MTPAP: variants seen among roughly 807,000 people sequenced by gnomAD.
The protein encoded by MTPAP is mitochondrial poly(A) polymerase.
MTPAP carries 23 observed loss-of-function variants against 48.7 expected under a neutral mutation model. That is an observed-to-expected ratio of 0.47 (90% confidence interval 0.34 to 0.67). MTPAP has a LOEUF of 0.67. Ranked by LOEUF, MTPAP falls within the 30% of genes least tolerant of loss-of-function variation. MTPAP has a pLI of 0.01. For missense variants in MTPAP, 614 were observed against 694.3 expected (o/e 0.88, Z 1.30); for synonymous variants, 257 against 254.1 (o/e 1.01, Z -0.11).
At chr10:30,326,392 A>G in intron 5 of MTPAP, 32 bp downstream of exon 5, 2 of 1,564,958 alleles carry the variant, frequency 1.3e-6, no homozygotes, top group Non-Finnish European at 8.8e-7. Context: ...CAGAATATTC[A>G]TATTTAAAAT....
In MTPAP at chr10:30,316,140, A is replaced by G; in HGVS notation, c.1290T>C (p.Pro430=). 6.2e-7 allele frequency: 1 copy of G among 1,613,946 alleles called. No individual in the cohort carries two copies. The highest frequency in any genetic ancestry group is 8.5e-7 in the Non-Finnish European group (1 of 1,179,806). ...TACCTAATGTTTCTGTGTTCTGTGA[A>G]GGTTTAATTCTACTCAAGTCACGAA... The part of the protein sequence containing the change: ...TFVRDLSRIK[P]SQNTETLELL... The change falls in exon 7 of 9, where the codon CCT becomes CCC. Residue 430 remains proline (P), a synonymous_variant. Transcript: ENST00000263063.
intron 1 of MTPAP, among the ~76,000 whole-genome samples, chr10:30,343,517 T>C (rs1447308843): frequency 1.1e-4 from 16 of 151,958 alleles, no homozygotes; most frequent in Non-Finnish European, 2.1e-4. Flanking sequence ...CAAAAGGCTA[T>C]GAAACTGATG....
At chr10:30,327,212 G>A (rs1588715595) in intron 4 of MTPAP, among the ~76,000 whole-genome samples, 1 of 152,006 alleles carries the variant, frequency 6.6e-6, no homozygotes, top group Admixed American at 6.6e-5. Context: ...AACTCGCCGG[G>A]TGCAGTGGCT....
chr10:30,326,410 G>A lies in MTPAP; in HGVS notation c.992+14C>T. 3 of 1,602,894 alleles carry A rather than the reference G, an allele frequency of 1.9e-6. No homozygotes were observed. Among genetic ancestry groups the A allele is most frequent in the Non-Finnish European group, 2.6e-6 (3 of 1,170,200 alleles). ...AATATTCATATTTAAAATAATAAAT[G>A]TAAGCGGTCATACCTATTGTTCGTA... On this transcript the variant is annotated intron_variant, in intron 5 of 8. Transcript: ENST00000263063.
At chr10:30,336,330 T>C (rs1444769166) in intron 4 of MTPAP, among the ~76,000 whole-genome samples, 2 of 152,070 alleles carry the variant, frequency 1.3e-5, no homozygotes, top group Non-Finnish European at 2.9e-5. Context: ...GATATAATAA[T>C]AAAACAATCT....
At chr10:30,323,147 A>AAG (rs1554817469) in intron 5 of MTPAP, among the ~76,000 whole-genome samples, 10 of 148,886 alleles carry the variant, frequency 6.7e-5, no homozygotes, top group Non-Finnish European at 1.2e-4. Context: ...AAAAAAAAAA[A>AAG]AAAGAAAGAA....
rs767325647 is a variant in MTPAP, at chr10:30,322,622, A to G, written c.993-5T>C. The G allele has an allele frequency of 6.3e-7, 1 of 1,592,988 alleles. No individual in the cohort carries two copies. Among genetic ancestry groups the G allele is most frequent in the East Asian group, 2.3e-5 (1 of 44,404 alleles). ...TCGGAACTTGTCAAGGCAATCCTTC[A>G]AAAAATAAAAATAAGAAAAATGTTC... On this transcript the variant is annotated splice_polypyrimidine_tract_variant and splice_region_variant and intron_variant, in intron 5 of 8. Transcript: ENST00000263063.
intron 4 of MTPAP, among the ~76,000 whole-genome samples, chr10:30,335,483 A>C (rs1037393782): frequency 1.9e-4 from 29 of 152,266 alleles, no homozygotes; most frequent in African/African-American, 6.7e-4. Context: ...AAGAGACTCT[A>C]TCTCCAACAA....
rs1401279242 is a variant in MTPAP, at chr10:30,315,953, C to T, written c.1386+10G>A. 1.1e-5 allele frequency: 18 copies of T among 1,577,550 alleles called. No homozygotes were observed. Among genetic ancestry groups the T allele is most frequent in the Admixed American group, 3.4e-5 (2 of 58,978 alleles). On this transcript the variant is annotated intron_variant, in intron 8 of 8. Transcript: ENST00000263063. ...AGATACTAATAACTAAATAGTAAAA[C>T]ATTATTTACCTGTCGAATATTTATG...
chr10:30,339,102 G>A lies in MTPAP; in HGVS notation c.555+1124C>T, dbSNP rs530228914. On this transcript the variant is annotated intron_variant, in intron 3 of 8. Transcript: ENST00000263063. ...CACGCCACTGCACTCCAGCCTGGGCGACAGAGCAAGAGTCCGTCTCAAAAC... is the reference window on the plus strand; with the variant it reads ...CACGCCACTGCACTCCAGCCTGGGCAACAGAGCAAGAGTCCGTCTCAAAAC... 7.3e-5 allele frequency among the ~76,000 whole-genome samples: 11 copies of A among 149,704 alleles called. No homozygotes were observed. In the South Asian group the frequency reaches 1.7e-3, roughly 23 times the overall value.
intron 1 of MTPAP, among the ~76,000 whole-genome samples, chr10:30,347,159 T>C (rs1306990455): frequency 6.6e-6 from 1 of 152,244 alleles, no homozygotes; most frequent in African/African-American, 2.4e-5. Flanking sequence ...GTCTTTCTAC[T>C]ACAGCTCTTT....
chr10:30,322,550 C>A lies in MTPAP; in HGVS notation c.1060G>T (p.Val354Leu). 6.2e-7 allele frequency: 1 copy of A among 1,614,046 alleles called. No individual in the cohort carries two copies. Residue 354 changes from valine (V) to leucine (L), a missense_variant, in exon 6 of 9, where the codon GTG (valine) becomes TTG (leucine). Transcript: ENST00000263063. ...GALDSRVRALVFSVRCWARAH... is the reference protein window; with the variant it reads ...GALDSRVRALLFSVRCWARAH... Reference sequence around the variant, plus strand: ...CGAGCCCAGCACCGTACACTGAACACCAAGGCTCTCACTCTTGAGTCTAGG... The same window carrying A: ...CGAGCCCAGCACCGTACACTGAACAACAAGGCTCTCACTCTTGAGTCTAGG...
intron 6 of MTPAP, 30 bp from the exon 7 acceptor site, chr10:30,316,240 G>C (rs374387777): frequency 5.4e-4 from 689 of 1,286,726 alleles, no homozygotes; most frequent in Middle Eastern, 2.0e-3. Context: ...TATTTCACGT[G>C]TTTTTTTTTT....
chr10:30,315,255 G>A (rs1031634640), intron 8 of MTPAP, among the ~76,000 whole-genome samples: 4 of 152,136 alleles, frequency 2.6e-5, no homozygotes, highest in African/African-American at 9.7e-5. Flanking sequence ...AGGGAAGGAT[G>A]AAAAACGGAG....
At chr10:30,346,344 A>G (rs1227115702) in intron 1 of MTPAP, among the ~76,000 whole-genome samples, 1 of 152,212 alleles carries the variant, frequency 6.6e-6, no homozygotes, top group African/African-American at 2.4e-5. Context: ...TACTCTGGAC[A>G]TAATAGATAA....
At chr10:30,323,186 C>T (rs563086284) in intron 5 of MTPAP, among the ~76,000 whole-genome samples, 1 of 148,150 alleles carries the variant, frequency 6.7e-6, no homozygotes, top group South Asian at 2.2e-4. Flanking sequence ...GGCGTAGTGG[C>T]TCATGCCTGT....
At chr10:30,318,768 T>C (rs1840688997) in intron 6 of MTPAP, among the ~76,000 whole-genome samples, 1 of 152,180 alleles carries the variant, frequency 6.6e-6, no homozygotes, top group Non-Finnish European at 1.5e-5. Flanking sequence ...GAAATCTACA[T>C]AGTGAACTCC....
At chr10:30,315,911 T>C in intron 8 of MTPAP, 52 bp downstream of exon 8, 1 of 1,448,052 alleles carries the variant, frequency 6.9e-7, no homozygotes, top group Non-Finnish European at 9.5e-7. Context: ...AATTAAATAT[T>C]AGTACAGTGG....
chr10:30,331,640 C>G (rs1435626566), intron 4 of MTPAP, among the ~76,000 whole-genome samples: 1 of 152,222 alleles, frequency 6.6e-6, no homozygotes, highest in Non-Finnish European at 1.5e-5. Context: ...AATCTCGGCT[C>G]ACTACAACCT....
Sources: gnomAD v4.1 joint callset for allele counts (sites outside exome capture counted in the v4.1 genomes callset) on GRCh38, gnomAD v4.1.1 for gene constraint, MANE v1.5 for transcripts, NCBI Gene and HGNC (gene_info 2026-07-23, HGNC 2026-07-21) for gene names.